The following MTMR9 variants were observed in gnomAD, a reference collection of about 807,000 sequenced individuals.
MTMR9 encodes myotubularin-related protein 9.
A neutral mutation model predicts 69.5 loss-of-function variants in MTMR9; 39 were observed. That is an observed-to-expected ratio of 0.56 (90% CI 0.43 to 0.73). MTMR9 has a LOEUF of 0.73. Among genes scored for constraint, MTMR9 ranks in the 30% least tolerant of loss-of-function variants. MTMR9 has a pLI of 0.00. For synonymous variants in MTMR9, 354 were observed against 240.8 expected (o/e 1.47, Z -4.35); for missense variants, 900 against 671.2 (o/e 1.34, Z -3.77).
chr8:11,319,807 A>T lies in MTMR9; in HGVS notation c.1455A>T (p.Ser485=). 1 of 1,614,196 alleles carries T rather than the reference A, an allele frequency of 6.2e-7. No homozygotes were observed. Among genetic ancestry groups the T allele is most frequent in the East Asian group, 2.2e-5 (1 of 44,888 alleles). Residue 485 remains serine, a synonymous_variant, in exon 9 of 10, where the codon TCA becomes TCT. Coordinates refer to ENST00000221086, the MANE Select transcript of MTMR9 (RefSeq NM_015458.4). ...FEANNLVIWP[S]VAPQSLPLWE... ...CCAACAACCTTGTCATCTGGCCTTCAGTTGCTCCGCAGAGTCTTCCACTGT... is the reference window on the plus strand; with the variant it reads ...CCAACAACCTTGTCATCTGGCCTTCTGTTGCTCCGCAGAGTCTTCCACTGT...
intron 4 of MTMR9, among the ~76,000 whole-genome samples, chr8:11,305,526 AG>A: frequency 6.6e-6 from 1 of 152,348 alleles, no homozygotes; most frequent in Non-Finnish European, 1.5e-5. Context: ...GCGTCTTGAA[AG>A]AACTCTAAAC....
chr8:11,323,988 A>G lies in MTMR9; in HGVS notation c.*1200A>G, dbSNP rs1446772570. 2.0e-5 allele frequency: 3 copies of G among 152,140 alleles called. No homozygotes were observed. 9.4% of individuals were successfully genotyped at this position (152,140 alleles called of 1,614,324 possible). On this transcript the variant is annotated 3_prime_UTR_variant, in exon 10 of 10. Coordinates refer to ENST00000221086, the MANE Select transcript of MTMR9 (RefSeq NM_015458.4). ...TGCTAGTCTATGCCTGCAACTCCAA[A>G]TGTTTGTGGTTCAGTATTTCCCACC...
intron 6 of MTMR9, 71 bp downstream of exon 6, chr8:11,309,759 A>G (rs1800118856): frequency 7.3e-6 from 11 of 1,512,626 alleles, no homozygotes; most frequent in South Asian, 6.1e-5. Flanking sequence ...ATCCAGACAT[A>G]TGTTTATAGA....
Position 11,319,715 on chromosome 8 carries a change from A to G in MTMR9, c.1363A>G (p.Met455Val). 1 of 1,614,080 alleles carries G rather than the reference A, an allele frequency of 6.2e-7. No individual in the cohort carries two copies. The highest frequency in any genetic ancestry group is 1.3e-5 in the African/African-American group (1 of 75,058). ...RCKLKLQQKTMSLWSWVNQPS... is the reference protein window; with the variant it reads ...RCKLKLQQKTVSLWSWVNQPS... ...TAAGTTGAAGCTACAGCAGAAGACG[A>G]TGTCTTTGTGGTCCTGGGTTAATCA... Residue 455 changes from methionine (M) to valine (V), a missense_variant, in exon 9 of 10, where the codon ATG becomes GTG. By Grantham distance (21) the Met-to-Val change is conservative. Coordinates refer to ENST00000221086, the MANE Select transcript of MTMR9 (RefSeq NM_015458.4).
At chr8:11,306,011 C>T (rs1337038553) in intron 4 of MTMR9, among the ~76,000 whole-genome samples, 179 bp from the exon 5 acceptor site, 2 of 152,144 alleles carry the variant, frequency 1.3e-5, no homozygotes, top group Non-Finnish European at 2.9e-5. Context: ...TAAGGCTTAT[C>T]TTTTATAGTT....
In MTMR9 at chr8:11,306,352, T is replaced by A. The variant is rs1301034265; in HGVS notation, c.754T>A (p.Phe252Ile). 3 of 1,614,078 alleles carry A rather than the reference T, an allele frequency of 1.9e-6. No individual in the cohort carries two copies. The South Asian group carries it at 3.3e-5, about 18-fold the overall frequency. ...AQQTRAKGGG[F>I]EQEAHYPQWR... ...GCAAACTAGAGCCAAAGGAGGTGGC[T>A]TTGAACAAGAAGCTCATTATCCTCA... Residue 252 changes from phenylalanine (F) to isoleucine (I), a missense_variant, in exon 5 of 10, where the codon TTT (phenylalanine) becomes ATT (isoleucine). Transcript: ENST00000221086.
intron 2 of MTMR9, among the ~76,000 whole-genome samples, chr8:11,298,378 G>T (rs1799629093): frequency 6.6e-6 from 1 of 151,564 alleles, no homozygotes; most frequent in African/African-American, 2.4e-5. Flanking sequence ...ATAGATGTAG[G>T]AAAAATATAT....
intron 1 of MTMR9, among the ~76,000 whole-genome samples, chr8:11,289,102 G>T (rs1799289913): frequency 6.6e-6 from 1 of 152,190 alleles, no homozygotes; most frequent in Non-Finnish European, 1.5e-5. Flanking sequence ...ACCCTGGGAG[G>T]CCGAGGTTGC....
At chr8:11,331,189 A>G (rs2117498348), downstream of MTMR9, 1 of 1,613,856 alleles carries the variant, frequency 6.2e-7, no homozygotes, top group Non-Finnish European at 8.5e-7. Context: ...CTCCGCTGGC[A>G]CCAGCGCTGC....
chr8:11,332,210 AT>A (rs907229272), downstream of MTMR9: 29 of 1,497,698 alleles, frequency 1.9e-5, no homozygotes, highest in African/African-American at 3.3e-4. Flanking sequence ...AAGAAAAAAA[AT>A]AATTATAATA....
At chr8:11,308,580 A>G (rs1236930478) in intron 5 of MTMR9, among the ~76,000 whole-genome samples, 2 of 152,096 alleles carry the variant, frequency 1.3e-5, no homozygotes, top group Admixed American at 1.3e-4. Flanking sequence ...GGTAGGTTGT[A>G]TGCTTCTAGG....
chr8:11,338,876 G>C, the MTMR9 span, among the ~76,000 whole-genome samples: 17 of 152,240 alleles, frequency 1.1e-4, no homozygotes, highest in African/African-American at 4.1e-4. Context: ...AGAGACACGT[G>C]GTCATTTACC....
intron 9 of MTMR9, chr8:11,321,494 C>G (rs780409624): frequency 2.2e-6 from 1 of 456,622 alleles, no homozygotes; most frequent in Non-Finnish European, 4.4e-6. Context: ...TGTACCAAAC[C>G]TCCTTGTGGA....
At chr8:11,330,520 G>A (rs1448451122), downstream of MTMR9, among the ~76,000 whole-genome samples, 1 of 152,216 alleles carries the variant, frequency 6.6e-6, no homozygotes, top group Non-Finnish European at 1.5e-5. Context: ...GATTGTTGCT[G>A]TGTCTGTGTA....
In MTMR9 at chr8:11,284,959, C is replaced by G. The variant is rs899043397; in HGVS notation, c.71C>G (p.Ala24Gly). 6.2e-7 allele frequency: 1 copy of G among 1,613,978 alleles called. No individual in the cohort carries two copies. Among genetic ancestry groups the G allele is most frequent in the Non-Finnish European group, 8.5e-7 (1 of 1,179,950 alleles). Residue 24 changes from alanine to glycine, a missense_variant, in exon 1 of 10, where the codon GCT (alanine) becomes GGT (glycine). By Grantham distance (60) the Ala-to-Gly change is moderately conservative (BLOSUM62 0). Coordinates refer to ENST00000221086, the MANE Select transcript of MTMR9 (RefSeq NM_015458.4). ...NVVLHRPFYP[A>G]VEGTLCLTGH... The stretch of plus-strand genomic sequence containing the variant: ...GTGCTGCACCGGCCTTTCTACCCGG[C>G]TGTCGAGGGCACCCTGTGCCTGACG...
At chr8:11,294,167 C>T (rs1212098924) in intron 1 of MTMR9, among the ~76,000 whole-genome samples, 2 of 152,168 alleles carry the variant, frequency 1.3e-5, no homozygotes, top group African/African-American at 2.4e-5. Context: ...GGTACATTTA[C>T]ACAATCGTCA....
chr8:11,331,372 T>C (rs752402456), downstream of MTMR9: 1 of 1,613,906 alleles, frequency 6.2e-7, no homozygotes. Context: ...CTACTTAAAC[T>C]GCGTGGCGAC....
intron 1 of MTMR9, among the ~76,000 whole-genome samples, chr8:11,288,002 A>G (rs1405399510): frequency 7.8e-6 from 1 of 127,750 alleles, no homozygotes; most frequent in African/African-American, 2.9e-5. Context: ...ATTACATATA[A>G]TACATAGTAT....
At chr8:11,331,454 A>C, downstream of MTMR9, 1 of 1,613,860 alleles carries the variant, frequency 6.2e-7, no homozygotes, top group Non-Finnish European at 8.5e-7. Context: ...TCAGCATTGG[A>C]TGTGCCTACA....
Sources: allele counts gnomAD v4.1 joint callset (sites outside exome capture counted in the v4.1 genomes callset), GRCh38; gene constraint gnomAD v4.1.1; transcripts MANE v1.5; gene names NCBI Gene and HGNC (gene_info 2026-07-23, HGNC 2026-07-21).